Variants in RPL3 observed in about 807,000 individuals in gnomAD.
RPL3 encodes large ribosomal subunit protein uL3.
RPL3 carries 3 observed loss-of-function variants against 46.0 expected under a neutral mutation model. The observed-to-expected ratio is 0.07, with a 90% CI of 0.03 to 0.17. The LOEUF (loss-of-function observed/expected upper bound fraction) is 0.17. Ranked by LOEUF, RPL3 falls within the 10% of genes least tolerant of loss-of-function variation. The pLI is 1.00. For synonymous variants in RPL3, 224 were observed against 190.8 expected, an observed-to-expected ratio of 1.17 and a Z score of -1.43; for missense variants, 387 against 532.7, an observed-to-expected ratio of 0.73 and a Z score of 2.69.
At chr22:39,318,691 A>T in intron 1 of RPL3, 99 bp from the exon 2 acceptor site, 1 of 1,003,006 alleles carries the variant, frequency 1.0e-6, no homozygotes, top group Non-Finnish European at 1.4e-6. Context: ...AATACTGAAG[A>T]ATCCTGACCA....
At chr22:39,319,377 C>T (rs1312984520) in intron 1 of RPL3, 1 of 648,662 alleles carries the variant, frequency 1.5e-6, no homozygotes, top group Non-Finnish European at 2.7e-6. Context: ...CTTACGGCCT[C>T]TCTCTGGCCG....
chr22:39,318,717 G>T (rs116146478), intron 1 of RPL3, 125 bp from the exon 2 acceptor site: 2 of 768,694 alleles, frequency 2.6e-6, no homozygotes, highest in Non-Finnish European at 2.0e-6. Flanking sequence ...CCAGCAAGCC[G>T]AATAAAAAGG....
At chr22:39,314,538 G>C in intron 6 of RPL3, 148 bp downstream of exon 6, 2 of 971,000 alleles carry the variant, frequency 2.1e-6, no homozygotes, top group Non-Finnish European at 3.0e-6. Context: ...CATCAAGATG[G>C]GCCAGAACTG....
rs1041634303 is a variant in RPL3, at chr22:39,318,285, T to C, written c.196+115A>G. On this transcript the variant is annotated intron_variant, in intron 2 of 9. Transcript: ENST00000216146. ...TGCTGTCGCAGCAGTTCTGACAACG[T>C]GTAACTCCTGCTTAAAAAAAAAAGT... The C allele has an allele frequency of 1.3e-5, 14 of 1,038,358 alleles. No individual in the cohort carries two copies. In the Middle Eastern group the frequency reaches 1.6e-3, roughly 122 times the overall value. The allele number at this position is 1,038,358 out of a possible 1,614,324, so 64.3% of individuals were successfully genotyped here.
Position 39,313,297 on chromosome 22 carries a change from T to C in RPL3, c.1061A>G (p.Gln354Arg), listed in dbSNP as rs765487298. The C allele has an allele frequency of 3.7e-6, 6 of 1,614,002 alleles. No homozygotes were observed. The South Asian group carries it at 6.6e-5, about 18-fold the overall frequency. Residue 354 changes from glutamine (Q) to arginine (R), a missense_variant, in exon 9 of 10, where the codon CAG becomes CGG. Gln to Arg is a conservative substitution (Grantham distance 43). Around this residue, in one of 5 missense-constraint regions of RPL3, gnomAD observed 131 missense variants for 185.1 expected, o/e 0.71. Transcript: ENST00000216146. ...CTTCTCCAGAGCCCGCCGCTTCGTC[T>C]GCACCAGCAAGGACTATGGGCCAAG... Reference protein sequence around the residue: ...VLTLRKSLLVQTKRRALEKID... With the variant: ...VLTLRKSLLVRTKRRALEKID...
intron 2 of RPL3, chr22:39,317,973 T>C (rs1333738562): frequency 2.8e-6 from 1 of 352,074 alleles, no homozygotes; most frequent in South Asian, 3.6e-5. Flanking sequence ...TGCCTAACAT[T>C]AATGTCTCCA....
chr22:39,317,530 A>G lies in RPL3; in HGVS notation c.296T>C (p.Leu99Pro). 1.9e-6 allele frequency: 3 copies of G among 1,613,934 alleles called. No homozygotes were observed. Among genetic ancestry groups the G allele is most frequent in the Non-Finnish European group, 2.5e-6 (3 of 1,179,858 alleles). Reference sequence around the variant, plus strand: ...AGCAAAGACAGTCTTGAAGGTCCGGAGGCCTCGAGGGGTTTCCACGTAGCC... The same window carrying G: ...AGCAAAGACAGTCTTGAAGGTCCGGGGGCCTCGAGGGGTTTCCACGTAGCC... The part of the protein sequence containing the change: ...IVGYVETPRG[L>P]RTFKTVFAEH... Residue 99 changes from leucine (L) to proline (P), a missense_variant, in exon 3 of 10, where the codon CTC becomes CCC. By Grantham distance (98) the Leu-to-Pro change is moderately conservative. This residue lies in a region of RPL3 where 196 missense variants were observed against 217.5 expected (regional missense o/e 0.90). Transcript: ENST00000216146.
Position 39,313,745 on chromosome 22 carries a change from C to G in RPL3, c.952-16G>C, listed in dbSNP as rs1374804304. 20 of 1,611,500 alleles carry G rather than the reference C, an allele frequency of 1.2e-5. No individual in the cohort carries two copies. Among genetic ancestry groups the G allele is most frequent in the Non-Finnish European group, 1.7e-5 (20 of 1,178,510 alleles). On this transcript the variant is annotated splice_polypyrimidine_tract_variant and intron_variant, in intron 7 of 9. Coordinates refer to ENST00000216146, the MANE Select transcript of RPL3 (RefSeq NM_000967.4). ...CAAAGCCACCCTGGAAAACGAGCAT[C>G]GGATCAGCACAGGCCCAGGAGGGGA...
intron 3 of RPL3, 178 bp from the exon 4 acceptor site, chr22:39,317,019 G>T: frequency 2.3e-6 from 2 of 865,616 alleles, no homozygotes; most frequent in Non-Finnish European, 1.9e-6. Context: ...GAGCCGAGCG[G>T]AGCTGAGCAG....
chr22:39,317,307 G>A, intron 3 of RPL3, 154 bp downstream of exon 3: 1 of 863,478 alleles, frequency 1.2e-6, no homozygotes, highest in Non-Finnish European at 1.7e-6. Flanking sequence ...GGCTGGCCAA[G>A]TCTGATCCCA....
At position 39,313,288 on chromosome 22, in the gene RPL3, C is replaced by T. The variant is rs764058582; in HGVS notation, c.1070G>A (p.Arg357Gln). 2.5e-6 allele frequency: 4 copies of T among 1,613,754 alleles called. No individual in the cohort carries two copies. The highest frequency in any genetic ancestry group is 3.4e-6 in the Non-Finnish European group (4 of 1,179,876). The change falls in exon 9 of 10, where the codon CGG becomes CAG. Residue 357 changes from arginine to glutamine, a missense_variant. Transcript: ENST00000216146. ...LRKSLLVQTK[R>Q]RALEKIDLKF... ...AAGGTCAATCTTCTCCAGAGCCCGC[C>T]GCTTCGTCTGCACCAGCAAGGACTA...
At chr22:39,317,940 C>T in intron 2 of RPL3, 1 of 399,988 alleles carries the variant, frequency 2.5e-6, no homozygotes, top group Non-Finnish European at 4.6e-6. Flanking sequence ...TAGCTCTGAG[C>T]TCAGAGATTA....
chr22:39,314,858 A>G lies in RPL3; in HGVS notation c.689-12T>C, dbSNP rs530321192. Reference sequence around the variant, plus strand: ...ACGACTGGTGACCCCTGGAATGGATACACATTACTTCACCTCAGCGCCCAG... The same window carrying G: ...ACGACTGGTGACCCCTGGAATGGATGCACATTACTTCACCTCAGCGCCCAG... On this transcript the variant is annotated splice_polypyrimidine_tract_variant and intron_variant, in intron 5 of 9. Transcript: ENST00000216146. 1.2e-6 allele frequency: 2 copies of G among 1,610,616 alleles called. No individual in the cohort carries two copies. Among genetic ancestry groups the G allele is most frequent in the Non-Finnish European group, 1.7e-6 (2 of 1,177,648 alleles).
At chr22:39,315,304 C>G (rs781169030) in intron 5 of RPL3, 65 bp downstream of exon 5, 1 of 1,604,096 alleles carries the variant, frequency 6.2e-7, no homozygotes, top group Non-Finnish European at 8.5e-7. Flanking sequence ...CATCAACGAA[C>G]AGCTGGGCCT....
intron 6 of RPL3, 44 bp downstream of exon 6, chr22:39,314,641 CG>C: frequency 6.3e-7 from 1 of 1,576,334 alleles, no homozygotes. Flanking sequence ...CTCCCCATCA[CG>C]GGGGCCTCTT....
chr22:39,315,547 C>A lies in RPL3; in HGVS notation c.510G>T (p.Leu170=), dbSNP rs1462252739. 1.9e-6 allele frequency: 3 copies of A among 1,614,044 alleles called. No individual in the cohort carries two copies. The highest frequency in any genetic ancestry group is 2.5e-6 in the Non-Finnish European group (3 of 1,180,026). Reference sequence around the variant, plus strand: ...GGGCCTTCTTCTGGCGCAGAGGAAGCAGGCGCATCTAGGAGAAGGTAGACA... The same window carrying A: ...GGGCCTTCTTCTGGCGCAGAGGAAGAAGGCGCATCTAGGAGAAGGTAGACA... The part of the protein sequence containing the change: ...IRVIAHTQMR[L]LPLRQKKAHL... The change falls in exon 5 of 10, where the codon CTG becomes CTT. Residue 170 remains leucine (L), a synonymous_variant. Coordinates refer to ENST00000216146, the MANE Select transcript of RPL3 (RefSeq NM_000967.4).
At position 39,312,950 on chromosome 22, in the gene RPL3, T is replaced by C. The variant is rs781293920; in HGVS notation, c.1202A>G (p.Glu401Gly). The change falls in exon 10 of 10, where the codon GAA becomes GGA. Residue 401 changes from glutamate (E) to glycine (G), a missense_variant. Coordinates refer to ENST00000216146, the MANE Select transcript of RPL3 (RefSeq NM_000967.4). ...AATCTGTTCCTGGCATTAAGCTCCT[T>C]CTTCCTTTGCAATTCGGTCTTTCTT... ...PLKKDRIAKE[E>G]GA 2 of 1,614,162 alleles carry C rather than the reference T, an allele frequency of 1.2e-6. No individual in the cohort carries two copies. Among genetic ancestry groups the C allele is most frequent in the Non-Finnish European group, 8.5e-7 (1 of 1,179,990 alleles).
intron 7 of RPL3, 167 bp downstream of exon 7, chr22:39,313,940 C>T: frequency 1.2e-6 from 1 of 835,472 alleles, no homozygotes; most frequent in Non-Finnish European, 2.1e-6. Flanking sequence ...TCTCACCAGC[C>T]AACCCCGACG....
Position 39,315,559 on chromosome 22 carries a change from G to C in RPL3, c.502-4C>G. On this transcript the variant is annotated splice_polypyrimidine_tract_variant and splice_region_variant and intron_variant, in intron 4 of 9. Coordinates refer to ENST00000216146, the MANE Select transcript of RPL3 (RefSeq NM_000967.4). The stretch of plus-strand genomic sequence containing the variant: ...GGCGCAGAGGAAGCAGGCGCATCTA[G>C]GAGAAGGTAGACACAGCTCAGCTCC... 1 of 1,613,820 alleles carries C rather than the reference G, an allele frequency of 6.2e-7. No individual in the cohort carries two copies.
Sources: allele counts gnomAD v4.1 joint callset, GRCh38; gene constraint gnomAD v4.1.1; regional missense constraint gnomAD v4.1.1; transcripts MANE v1.5; gene names NCBI Gene and HGNC (gene_info 2026-07-23, HGNC 2026-07-21).